TGFB2: variants seen among roughly 807,000 people sequenced by gnomAD.
The protein encoded by TGFB2 is transforming growth factor beta 2.
TGFB2 carries 13 observed loss-of-function variants against 42.7 expected under a neutral mutation model. The observed-to-expected ratio is 0.30, with a 90% confidence interval of 0.20 to 0.48. The LOEUF (loss-of-function observed/expected upper bound fraction) is 0.48. Ranked by LOEUF, TGFB2 falls within the 20% of genes least tolerant of loss-of-function variation. The probability of loss-of-function intolerance (pLI) is 0.99; values close to 1 mark genes in which losing one functional copy is unlikely to be tolerated. For synonymous variants in TGFB2, 193 were observed against 193.6 expected, an observed-to-expected ratio of 1.00 and a Z score of 0.03; for missense variants, 390 against 517.5, an observed-to-expected ratio of 0.75 and a Z score of 2.39.
chr1:218,424,309 A>G (rs955587990), intron 2 of TGFB2, among the ~76,000 whole-genome samples: 2 of 152,254 alleles, frequency 1.3e-5, no homozygotes, highest in African/African-American at 2.4e-5. Context: ...TTGAATAGCA[A>G]ACTGAAAATT....
At chr1:218,430,326 C>T (rs559662844) in intron 2 of TGFB2, among the ~76,000 whole-genome samples, 2 of 151,260 alleles carry the variant, frequency 1.3e-5, no homozygotes, top group East Asian at 1.9e-4. Context: ...ACCCTGGAGG[C>T]GGAGGTTGCA....
chr1:218,438,676 T>C (rs1484266179), intron 6 of TGFB2, among the ~76,000 whole-genome samples: 1 of 152,134 alleles, frequency 6.6e-6, no homozygotes, highest in African/African-American at 2.4e-5. Flanking sequence ...AATTCCCAGA[T>C]TGGATGGTAT....
At chr1:218,416,550 G>A (rs1390581366) in intron 2 of TGFB2, among the ~76,000 whole-genome samples, 2 of 152,194 alleles carry the variant, frequency 1.3e-5, no homozygotes, top group South Asian at 2.1e-4. Context: ...AGAGGAAAAT[G>A]ATAAGTCATT....
rs1571900817 is a variant in TGFB2 at position 218,433,941 on chromosome 1, T to C, written c.511-141T>C. The C allele has an allele frequency of 5.4e-6, 6 of 1,111,340 alleles. No homozygotes were observed. The South Asian group carries it at 6.4e-5, about 12-fold the overall frequency. The allele number at this position is 1,111,340 out of a possible 1,614,324, so 68.8% of individuals were successfully genotyped here. A position where few individuals can be genotyped will look rare whatever the true frequency, so the allele number is the denominator to read the frequency against. ...TGTTGTGTTTTTATGCATGTGACCA[T>C]GCAATTGAGATGACAATGCATGGCT... On this transcript the variant is annotated intron_variant, in intron 2 of 6. Transcript: ENST00000366930.
intron 1 of TGFB2, among the ~76,000 whole-genome samples, chr1:218,392,872 A>C (rs1571863968): frequency 6.6e-6 from 1 of 152,240 alleles, no homozygotes. Flanking sequence ...GTTGGTAAAC[A>C]GCTTGCAATC....
intron 1 of TGFB2, among the ~76,000 whole-genome samples, chr1:218,389,206 A>T (rs1658237981): frequency 6.6e-6 from 1 of 152,188 alleles, no homozygotes; most frequent in South Asian, 2.1e-4. Flanking sequence ...GACCTAAAGG[A>T]TTGGGATTAA....
At chr1:218,352,258 C>T (rs891016155) in intron 1 of TGFB2, among the ~76,000 whole-genome samples, 6 of 152,020 alleles carry the variant, frequency 3.9e-5, no homozygotes, top group African/African-American at 1.2e-4. Flanking sequence ...GATGGGCTCC[C>T]GGAGAGAGGA....
At chr1:218,436,588 T>C (rs557115859) in intron 5 of TGFB2, among the ~76,000 whole-genome samples, 1 of 152,328 alleles carries the variant, frequency 6.6e-6, no homozygotes, top group East Asian at 1.9e-4. Flanking sequence ...AAGAATGCCG[T>C]GTGTCACACC....
At chr1:218,348,562 G>T (rs1048433397) in intron 1 of TGFB2, among the ~76,000 whole-genome samples, 2 of 152,194 alleles carry the variant, frequency 1.3e-5, no homozygotes, top group Non-Finnish European at 2.9e-5. Flanking sequence ...CAAGCAGGAT[G>T]ATTTTATTAT....
intron 1 of TGFB2, among the ~76,000 whole-genome samples, chr1:218,373,822 G>GA (rs1187025773): frequency 3.3e-5 from 5 of 151,194 alleles, no homozygotes; most frequent in Admixed American, 6.6e-5. Context: ...CTGATAAAAG[G>GA]AAAAAAAAGA....
intron 1 of TGFB2, among the ~76,000 whole-genome samples, chr1:218,387,896 T>G (rs1658189138): frequency 1.3e-5 from 2 of 152,170 alleles, no homozygotes; most frequent in Non-Finnish European, 2.9e-5. Flanking sequence ...CTCTGAGATA[T>G]TTGAAAGGGT....
rs537369557 is a variant in TGFB2 at position 218,434,908 on chromosome 1, C to T, written c.754+460C>T. ...ATAACTAACCTTCCATGTATAAGAA[C>T]ATTCCACCTTTTCTAGTCCATACCC... On this transcript the variant is annotated intron_variant, in intron 4 of 6. Transcript: ENST00000366930. 2.6e-5 allele frequency among the ~76,000 whole-genome samples: 4 copies of T among 152,308 alleles called. No homozygotes were observed. The East Asian group carries it at 5.8e-4, about 22-fold the overall frequency.
chr1:218,371,115 A>G (rs1657556340), intron 1 of TGFB2, among the ~76,000 whole-genome samples: 1 of 152,146 alleles, frequency 6.6e-6, no homozygotes. Context: ...CCTGGGCAAC[A>G]TGGTGAAACC....
chr1:218,413,345 C>T (rs1571882396), intron 2 of TGFB2, among the ~76,000 whole-genome samples: 1 of 152,026 alleles, frequency 6.6e-6, no homozygotes, highest in South Asian at 2.1e-4. Flanking sequence ...CTCTGCCTCC[C>T]GGGTTGCGTC....
intron 2 of TGFB2, among the ~76,000 whole-genome samples, chr1:218,414,991 C>T (rs971826860): frequency 6.6e-6 from 1 of 152,108 alleles, no homozygotes; most frequent in Non-Finnish European, 1.5e-5. Flanking sequence ...GCAGAAAGAA[C>T]ACAGATTTTG....
intron 1 of TGFB2, among the ~76,000 whole-genome samples, chr1:218,385,560 G>T (rs1216184879): frequency 6.6e-6 from 1 of 152,164 alleles, no homozygotes; most frequent in East Asian, 1.9e-4. Context: ...TTGCTGAAGG[G>T]TTTTAACATG....
intron 2 of TGFB2, among the ~76,000 whole-genome samples, chr1:218,408,828 C>T (rs1659000784): frequency 6.6e-6 from 1 of 152,156 alleles, no homozygotes; most frequent in East Asian, 1.9e-4. Context: ...TTGTGGAATA[C>T]AATTTTTCCA....
chr1:218,374,667 G>C (rs1657684253), intron 1 of TGFB2, among the ~76,000 whole-genome samples: 1 of 152,204 alleles, frequency 6.6e-6, no homozygotes, highest in South Asian at 2.1e-4. Context: ...CATATTACAA[G>C]TTAGAAAAAG....
At chr1:218,349,144 T>G (rs543988263) in intron 1 of TGFB2, among the ~76,000 whole-genome samples, 1 of 152,048 alleles carries the variant, frequency 6.6e-6, no homozygotes, top group South Asian at 2.1e-4. Flanking sequence ...CCAAGATAAA[T>G]AAAATATACT....
Sources: allele counts gnomAD v4.1 joint callset (sites outside exome capture counted in the v4.1 genomes callset), GRCh38; gene constraint gnomAD v4.1.1; transcripts MANE v1.5; gene names NCBI Gene and HGNC (gene_info 2026-07-23, HGNC 2026-07-21).